THUMPD3: variants seen among roughly 807,000 people sequenced by gnomAD.
THUMPD3 encodes the protein tRNA (guanine(6)-N(2))-methyltransferase THUMP3.
Under a neutral mutation model 54.5 loss-of-function variants are expected in THUMPD3, and 44 were observed. The observed-to-expected ratio is 0.81, with a 90% confidence interval of 0.63 to 1.04. The LOEUF is 1.04. Among genes scored for constraint, THUMPD3 ranks in the 50% least tolerant of loss-of-function variants. The pLI, the probability that THUMPD3 is intolerant of heterozygous loss-of-function variation, is 0.00. For synonymous variants in THUMPD3, 196 were observed against 201.4 expected (o/e 0.97, Z 0.23); for missense variants, 604 against 601.3 (o/e 1.00, Z -0.05).
In THUMPD3 at chr3:9,371,083, A is replaced by C; in HGVS notation, c.354A>C (p.Glu118Asp). ...QTKEEVLKDF[E>D]DLAGKLPWSN... ...AGGAAGAAGTTCTAAAGGATTTTGA[A>C]GACTTGGCTGGAAAACTCCCATGGT... The change falls in exon 4 of 10, where the codon GAA becomes GAC. Residue 118 changes from glutamate to aspartate, a missense_variant. Coordinates refer to ENST00000452837, the MANE Select transcript of THUMPD3 (RefSeq NM_001114092.2). 1 of 1,572,938 alleles carries C rather than the reference A, an allele frequency of 6.4e-7. No homozygotes were observed. Among genetic ancestry groups the C allele is most frequent in the Non-Finnish European group, 8.6e-7 (1 of 1,167,294 alleles).
chr3:9,367,143 C>G (rs2031631217), intron 3 of THUMPD3, among the ~76,000 whole-genome samples, 158 bp downstream of exon 3: 1 of 152,210 alleles, frequency 6.6e-6, no homozygotes, highest in Non-Finnish European at 1.5e-5. Flanking sequence ...TGCTGACAGT[C>G]TATCCCAAAA....
Position 9,384,263 on chromosome 3 carries a change from G to A in THUMPD3, c.1287G>A (p.Glu429=), listed in dbSNP as rs750240765. ...ACCTTTATCCAGCTTGCCTACGGGA[G>A]ATGAGCCGTGTCTGCACACCTACCA... ...NWNLYPACLR[E]MSRVCTPTTG... The change falls in exon 9 of 10, where the codon GAG becomes GAA. Residue 429 remains glutamate (E), a synonymous_variant. Transcript: ENST00000452837. The A allele has an allele frequency of 7.4e-6, 12 of 1,614,198 alleles. No individual in the cohort carries two copies. In the Admixed American group the frequency reaches 8.3e-5, roughly 11 times the overall value.
rs948839335 is a variant in THUMPD3, at chr3:9,371,284, A to C, written c.555A>C (p.Leu185Phe). Residue 185 changes from leucine to phenylalanine, a missense_variant, in exon 4 of 10, where the codon TTA (leucine) becomes TTC (phenylalanine). Leu to Phe is a conservative substitution (Grantham distance 22, BLOSUM62 0). Transcript: ENST00000452837. ...GCCATGCTTTAGATTCTCATATCTT[A>C]GATTATTATGAAAATCCAGCCATCA... is the stretch of plus-strand genomic sequence containing the variant. ...FTSHALDSHI[L>F]DYYENPAIKE... 2.5e-6 allele frequency: 4 copies of C among 1,613,962 alleles called. No homozygotes were observed. In the African/African-American group the frequency reaches 5.3e-5, roughly 22 times the overall value.
intron 2 of THUMPD3, among the ~76,000 whole-genome samples, chr3:9,365,595 TTTTTTC>T (rs931378128): frequency 3.3e-5 from 5 of 151,762 alleles, no homozygotes; most frequent in Non-Finnish European, 5.9e-5. Flanking sequence ...CATTTCTTTT[TTTTTTC>T]TTTTTCTTTG....
chr3:9,384,933 G>T lies in THUMPD3; in HGVS notation c.*245G>T. The T allele has an allele frequency of 2.4e-6, 1 of 411,310 alleles. No individual in the cohort carries two copies. The allele number at this position is 411,310 out of a possible 1,614,324, so 25.5% of individuals were successfully genotyped here. ...AGCCGAAGTGTGCAGATCACCTGAG[G>T]TCCGGAGACCAGCCTGGCCAACATG... On this transcript the variant is annotated 3_prime_UTR_variant, in exon 10 of 10. Coordinates refer to ENST00000452837, the MANE Select transcript of THUMPD3 (RefSeq NM_001114092.2).
chr3:9,371,558 G>A, intron 4 of THUMPD3, 22 bp downstream of exon 4: 2 of 1,557,474 alleles, frequency 1.3e-6, no homozygotes, highest in Non-Finnish European at 1.8e-6. Flanking sequence ...CTCTGACTGT[G>A]GTGATTGAAG....
chr3:9,383,425 T>C (rs1411973809), intron 8 of THUMPD3, 116 bp downstream of exon 8: 3 of 686,212 alleles, frequency 4.4e-6, no homozygotes, highest in African/African-American at 3.6e-5. Context: ...TGTTTTTCAC[T>C]TAACAACATG....
Position 9,382,063 on chromosome 3 carries a change from A to C in THUMPD3, c.1125-1136A>C, listed in dbSNP as rs562740119. On this transcript the variant is annotated intron_variant, in intron 7 of 9. Coordinates refer to ENST00000452837, the MANE Select transcript of THUMPD3 (RefSeq NM_001114092.2). ...CTCCCAAAGTGCTGGGATTACAGGCATGAGCCACTGTGCCCGGCCTCAACC... is the reference window on the plus strand; with the variant it reads ...CTCCCAAAGTGCTGGGATTACAGGCCTGAGCCACTGTGCCCGGCCTCAACC... Among the ~76,000 whole-genome samples, 14 of 151,918 alleles carry C rather than the reference A, an allele frequency of 9.2e-5. 1 individual carries two copies. Among genetic ancestry groups the C allele is most frequent in the Admixed American group, 9.2e-4 (14 of 15,252 alleles).
intron 4 of THUMPD3, among the ~76,000 whole-genome samples, chr3:9,374,067 G>C (rs1242543692): frequency 1.3e-5 from 2 of 152,094 alleles, no homozygotes; most frequent in African/African-American, 2.4e-5. Context: ...CCCTTTCCCA[G>C]TCAGTACCCA....
rs74931494 is a variant in THUMPD3, at chr3:9,381,207, T to A, written c.1124+589T>A. On this transcript the variant is annotated intron_variant, in intron 7 of 9. Coordinates refer to ENST00000452837, the MANE Select transcript of THUMPD3 (RefSeq NM_001114092.2). Reference sequence around the variant, plus strand: ...CTTCAGCCTTCCAAATTGCTGGGATTAGAGACGAGTCACCACACCTGGACC... The same window carrying A: ...CTTCAGCCTTCCAAATTGCTGGGATAAGAGACGAGTCACCACACCTGGACC... 4.8e-3 allele frequency among the ~76,000 whole-genome samples: 731 copies of A among 152,344 alleles called. 8 individuals carry two copies. Among genetic ancestry groups the A allele is most frequent in the African/African-American group, 0.017 (704 of 41,580 alleles).
intron 7 of THUMPD3, among the ~76,000 whole-genome samples, chr3:9,381,247 C>G (rs551900076): frequency 2.0e-4 from 31 of 152,192 alleles, no homozygotes; most frequent in Non-Finnish European, 4.1e-4. Context: ...TCTTTAAAGT[C>G]ACTACATAAA....
chr3:9,365,811 C>T (rs1483059657), intron 2 of THUMPD3, among the ~76,000 whole-genome samples: 3 of 152,176 alleles, frequency 2.0e-5, no homozygotes, highest in Middle Eastern at 3.4e-3. Context: ...AGGCTGGTCT[C>T]GAACTCCTAA....
rs2033244054 is a variant in THUMPD3, at chr3:9,385,092, A to G, written c.*404A>G. The G allele has an allele frequency of 5.7e-6, 1 of 174,754 alleles. No homozygotes were observed. The highest frequency in any genetic ancestry group is 1.2e-4 in the South Asian group (1 of 8,212). 10.8% of individuals were successfully genotyped at this position (174,754 alleles called of 1,614,324 possible). On this transcript the variant is annotated 3_prime_UTR_variant, in exon 10 of 10. Transcript: ENST00000452837. ...CAGGCGGAGGTTGCGGTGAGTCGAG[A>G]TCACGCCATTGCACTCCAGCCTGTG... is the stretch of plus-strand genomic sequence containing the variant.
At chr3:9,371,802 A>G (rs563095327) in intron 4 of THUMPD3, among the ~76,000 whole-genome samples, 1 of 152,258 alleles carries the variant, frequency 6.6e-6, no homozygotes, top group African/African-American at 2.4e-5. Context: ...AATGAGGTAC[A>G]TTTAAAATAT....
chr3:9,382,019 A>G (rs572343474), intron 7 of THUMPD3, among the ~76,000 whole-genome samples: 263 of 151,512 alleles, frequency 1.7e-3, no homozygotes, highest in African/African-American at 5.4e-3. Context: ...TCCTGACCTC[A>G]TGATCTGCCC....
At chr3:9,374,815 G>T (rs2032334116) in intron 5 of THUMPD3, among the ~76,000 whole-genome samples, 169 bp downstream of exon 5, 1 of 152,086 alleles carries the variant, frequency 6.6e-6, no homozygotes, top group Non-Finnish European at 1.5e-5. Flanking sequence ...ATCCAATATT[G>T]ACTCCTTGTG....
chr3:9,379,278 C>A (rs937502373), intron 6 of THUMPD3, among the ~76,000 whole-genome samples: 1 of 151,994 alleles, frequency 6.6e-6, no homozygotes, highest in African/African-American at 2.4e-5. Context: ...TCTAGGTCCC[C>A]TCTACATCCC....
chr3:9,369,309 CA>C (rs779602979), intron 3 of THUMPD3, among the ~76,000 whole-genome samples: 33 of 60,828 alleles, frequency 5.4e-4, no homozygotes, highest in Non-Finnish European at 7.0e-4. Flanking sequence ...GACTCCGTCT[CA>C]AAAAAAAAAA....
chr3:9,384,192 C>T lies in THUMPD3; in HGVS notation c.1236-20C>T. 6.8e-6 allele frequency: 11 copies of T among 1,611,970 alleles called. No homozygotes were observed. The highest frequency in any genetic ancestry group is 2.2e-5 in the South Asian group (2 of 90,686). On this transcript the variant is annotated intron_variant, in intron 8 of 9. Transcript: ENST00000452837. ...TTGTATCTTTTGCAAGTGTTTGACT[C>T]ATGAGACCTTCTATTATAGGATGGG... is the stretch of plus-strand genomic sequence containing the variant.
Sources: gnomAD v4.1 joint callset for allele counts (sites outside exome capture counted in the v4.1 genomes callset) on GRCh38, gnomAD v4.1.1 for gene constraint, MANE v1.5 for transcripts, NCBI Gene and HGNC (gene_info 2026-07-23, HGNC 2026-07-21) for gene names.